The following ZRANB1 variants were observed in gnomAD, a reference collection of about 807,000 sequenced individuals.
ZRANB1 encodes ubiquitin thioesterase ZRANB1.
ZRANB1 carries 16 observed loss-of-function variants against 80.5 expected under a neutral mutation model. The ratio of observed to expected loss-of-function variants is 0.20; its 90% CI spans 0.13 to 0.30. The LOEUF (loss-of-function observed/expected upper bound fraction) is 0.30, where lower values mean the gene tolerates loss of function less well. Ranked by LOEUF, ZRANB1 falls within the 10% of genes least tolerant of loss-of-function variation. The pLI, the probability that ZRANB1 is intolerant of heterozygous loss-of-function variation, is 1.00. For synonymous variants in ZRANB1, 291 were observed against 293.1 expected, an observed-to-expected ratio of 0.99 and a Z score of 0.07; for missense variants, 576 against 862.6, an observed-to-expected ratio of 0.67 and a Z score of 4.16.
intron 1 of ZRANB1, among the ~76,000 whole-genome samples, chr10:124,965,895 T>A (rs1215216115): frequency 6.6e-6 from 1 of 152,192 alleles, no homozygotes. Flanking sequence ...CTTTATAGAT[T>A]TGGCAGAAGT....
chr10:124,923,465 G>A, the ZRANB1 span, among the ~76,000 whole-genome samples: 1 of 148,940 alleles, frequency 6.7e-6, no homozygotes, highest in Non-Finnish European at 1.5e-5. Flanking sequence ...GTGGTGGTGC[G>A]CACCTGTAAT....
At chr10:124,949,521 AC>A (rs574975976) in intron 1 of ZRANB1, among the ~76,000 whole-genome samples, 60,368 of 119,464 alleles carry the variant, frequency 0.51, 17,162 homozygotes, top group East Asian at 0.7. Context: ...ACACACACAC[AC>A]ATTTTTTTTT....
intron 1 of ZRANB1, among the ~76,000 whole-genome samples, chr10:124,954,266 G>A (rs1043170621): frequency 1.6e-4 from 24 of 149,204 alleles, no homozygotes; most frequent in African/African-American, 4.5e-4. Flanking sequence ...GATTACAGGC[G>A]TGAGCCACGG....
chr10:124,925,310 G>A, the ZRANB1 span, among the ~76,000 whole-genome samples: 1 of 152,016 alleles, frequency 6.6e-6, no homozygotes, highest in Non-Finnish European at 1.5e-5. Context: ...CTAGTGGAAT[G>A]GCATCTCCTA....
chr10:124,931,849 A>C, the ZRANB1 span, among the ~76,000 whole-genome samples: 1 of 152,206 alleles, frequency 6.6e-6, no homozygotes, highest in Non-Finnish European at 1.5e-5. Context: ...CCCAAAGTAC[A>C]TAATTTACAG....
At chr10:124,941,211 A>AT (rs984476848), upstream of ZRANB1, among the ~76,000 whole-genome samples, 1 of 147,742 alleles carries the variant, frequency 6.8e-6, no homozygotes, top group Non-Finnish European at 1.5e-5. Flanking sequence ...AAAAAAAAAA[A>AT]TTAAATTTGT....
intron 2 of ZRANB1, among the ~76,000 whole-genome samples, chr10:124,968,815 A>T (rs986587004): frequency 1.3e-5 from 2 of 152,166 alleles, no homozygotes; most frequent in African/African-American, 4.8e-5. Flanking sequence ...CAGTCTGAGG[A>T]GTAACAGTGG....
At chr10:124,976,870 C>G (rs1951880997) in intron 5 of ZRANB1, among the ~76,000 whole-genome samples, 2 of 151,164 alleles carry the variant, frequency 1.3e-5, no homozygotes, top group African/African-American at 4.9e-5. Flanking sequence ...CCGCGCCTGG[C>G]CTTTTCTTTG....
intron 3 of ZRANB1, among the ~76,000 whole-genome samples, chr10:124,972,924 A>G (rs1240589236): frequency 6.6e-6 from 1 of 151,964 alleles, no homozygotes; most frequent in East Asian, 1.9e-4. Flanking sequence ...CTATAGGCAC[A>G]TGCCACCCAC....
chr10:124,964,623 C>T (rs896962476), intron 1 of ZRANB1, among the ~76,000 whole-genome samples: 1 of 152,248 alleles, frequency 6.6e-6, no homozygotes, highest in East Asian at 1.9e-4. Flanking sequence ...TACAGATCTT[C>T]CTCTTTGCTT....
rs776822128 is a variant in ZRANB1 at position 124,983,229 on chromosome 10, C to T, written c.1603C>T (p.Arg535Ter). The T allele has an allele frequency of 1.9e-6, 3 of 1,613,972 alleles. No homozygotes were observed. Among genetic ancestry groups the T allele is most frequent in the African/African-American group, 1.3e-5 (1 of 74,904 alleles). Residue 535 changes from arginine (R) to a stop codon, truncating the protein, a stop_gained, in exon 7 of 9, where the codon CGA (arginine) becomes TGA (stop). Transcript: ENST00000359653. LOFTEE classifies it high-confidence loss of function. This position sits in a 1 kb window ranked among gnomAD's most constrained non-coding sequence, Gnocchi z 6.2. ...HIFVLAHILR[R>*]PIIVYGVKYY... ...TTTTGTACTGGCACATATTCTTAGACGACCAATTATAGTTTATGGAGTAAA... is the reference window on the plus strand; with the variant it reads ...TTTTGTACTGGCACATATTCTTAGATGACCAATTATAGTTTATGGAGTAAA...
At chr10:124,922,765 A>G in the ZRANB1 span, among the ~76,000 whole-genome samples, 1 of 151,964 alleles carries the variant, frequency 6.6e-6, no homozygotes, top group African/African-American at 2.4e-5. Flanking sequence ...TGCTGGGATT[A>G]CAGGCGTGAG....
At chr10:124,959,122 C>G (rs1353073576) in intron 1 of ZRANB1, among the ~76,000 whole-genome samples, 1 of 152,120 alleles carries the variant, frequency 6.6e-6, no homozygotes, top group East Asian at 1.9e-4. Context: ...ATTTAGCAAG[C>G]CAGGATAGCT....
chr10:124,972,360 G>C (rs1427298749), intron 3 of ZRANB1, among the ~76,000 whole-genome samples: 1 of 152,138 alleles, frequency 6.6e-6, no homozygotes, highest in African/African-American at 2.4e-5. Context: ...GTGGACCTCA[G>C]ATTATTTTTT....
Position 124,943,049 on chromosome 10 carries a change from G to T in ZRANB1, c.556G>T (p.Ala186Ser), listed in dbSNP as rs779571918. 2.5e-6 allele frequency: 4 copies of T among 1,614,088 alleles called. No individual in the cohort carries two copies. Among genetic ancestry groups the T allele is most frequent in the East Asian group, 4.5e-5 (2 of 44,898 alleles). ...RPNNIEAIEL[A>S]ETEEASSIIN... ...TAATAACATTGAAGCAATAGAATTG[G>T]CAGAGACTGAAGAGGCTTCTTCAAT... The change falls in exon 1 of 9, where the codon GCA becomes TCA. Residue 186 changes from alanine (A) to serine (S), a missense_variant. Ala to Ser is a moderately conservative substitution (Grantham distance 99, BLOSUM62 1). Around this residue, in one of 3 missense-constraint regions of ZRANB1, gnomAD observed 411 missense variants for 583.1 expected, o/e 0.70. Transcript: ENST00000359653.
At chr10:124,951,018 G>C (rs546629486) in intron 1 of ZRANB1, among the ~76,000 whole-genome samples, 8 of 150,388 alleles carry the variant, frequency 5.3e-5, no homozygotes, top group Non-Finnish European at 8.9e-5. Flanking sequence ...TTGTCCATTT[G>C]GTTTTACTTA....
At chr10:124,922,277 GTA>G in the ZRANB1 span, among the ~76,000 whole-genome samples, 1 of 83,270 alleles carries the variant, frequency 1.2e-5, no homozygotes, top group Non-Finnish European at 2.5e-5. Flanking sequence ...ATATATATAT[GTA>G]AAATATATAT....
Position 124,985,174 on chromosome 10 carries a change from CAG to C in ZRANB1, c.*186_*187del, listed in dbSNP as rs1952005582. ...ATAATGCCTCTGCTGCGTGAGGAGA[CAG>C]AGAACTTTAGTTGGACTACAGTTTG... On this transcript the variant is annotated 3_prime_UTR_variant, in exon 9 of 9. Coordinates refer to ENST00000359653, the MANE Select transcript of ZRANB1 (RefSeq NM_017580.3). The C allele has an allele frequency of 3.8e-6, 2 of 522,782 alleles. No individual in the cohort carries two copies. Among genetic ancestry groups the C allele is most frequent in the Admixed American group, 7.0e-5 (2 of 28,740 alleles). 32.4% of individuals were successfully genotyped at this position (522,782 alleles called of 1,614,324 possible).
chr10:124,969,158 A>G (rs1951799893), intron 2 of ZRANB1, among the ~76,000 whole-genome samples: 3 of 152,254 alleles, frequency 2.0e-5, no homozygotes, highest in Non-Finnish European at 4.4e-5. Flanking sequence ...AAGTGATCCA[A>G]GAGAGGCACA....
Sources: allele counts gnomAD v4.1 joint callset (sites outside exome capture counted in the v4.1 genomes callset), GRCh38; gene constraint gnomAD v4.1.1; regional missense constraint gnomAD v4.1.1; non-coding constraint Gnocchi (gnomAD v3.1); transcripts MANE v1.5; gene names NCBI Gene and HGNC (gene_info 2026-07-23, HGNC 2026-07-21).